Variants in SSH2 observed in about 807,000 individuals in gnomAD.
The protein encoded by SSH2 is protein phosphatase Slingshot homolog 2.
SSH2 carries 37 observed loss-of-function variants against 135.2 expected under a neutral mutation model. The ratio of observed to expected loss-of-function variants is 0.27; its 90% CI spans 0.21 to 0.36. The LOEUF is 0.36. SSH2 is among the 10% of genes least tolerant of loss of function. The pLI, the probability that SSH2 is intolerant of heterozygous loss-of-function variation, is 1.00. For missense variants in SSH2, 1,408 were observed against 1,765.3 expected (o/e 0.80, Z 3.63); for synonymous variants, 628 against 646.2 (o/e 0.97, Z 0.43).
At chr17:29,723,839 T>C (rs2039899521) in intron 3 of SSH2, among the ~76,000 whole-genome samples, 2 of 152,172 alleles carry the variant, frequency 1.3e-5, no homozygotes, top group Admixed American at 1.3e-4. Flanking sequence ...GGGAACTTCT[T>C]CCACTTGAAA....
At chr17:29,744,946 TTTCTG>T (rs1765480761) in intron 3 of SSH2, among the ~76,000 whole-genome samples, 1 of 152,034 alleles carries the variant, frequency 6.6e-6, no homozygotes, top group East Asian at 1.9e-4. Flanking sequence ...AGTTTAATGA[TTTCTG>T]TTCTTGTGTT....
chr17:29,673,569 C>CAAAAAAAAA (rs1230226229), intron 8 of SSH2, among the ~76,000 whole-genome samples: 1 of 104,888 alleles, frequency 9.5e-6, no homozygotes. Flanking sequence ...GACACAATCT[C>CAAAAAAAAA]AAAAAAAAAA....
chr17:29,684,777 T>C lies in SSH2; in HGVS notation c.358-93A>G, dbSNP rs77508573. On this transcript the variant is annotated intron_variant, in intron 5 of 15. Transcript: ENST00000540801. Reference sequence around the variant, plus strand: ...TTTTCATCAGCATCTTAAAGCATACTCACGAAGGCAGCAGAGCCAGTAGTT... The same window carrying C: ...TTTTCATCAGCATCTTAAAGCATACCCACGAAGGCAGCAGAGCCAGTAGTT... The C allele has an allele frequency of 1.7e-3, 2,129 of 1,227,788 alleles. 31 individuals carry two copies. The African/African-American group carries it at 0.027, about 15-fold the overall frequency. 76.1% of individuals were successfully genotyped at this position (1,227,788 alleles called of 1,614,324 possible).
intron 2 of SSH2, among the ~76,000 whole-genome samples, chr17:29,795,917 T>A (rs1166584988): frequency 1.3e-5 from 2 of 152,054 alleles, no homozygotes; most frequent in African/African-American, 4.8e-5. Context: ...AATTTTTGTA[T>A]TTTTTAGTAG....
intron 1 of SSH2, among the ~76,000 whole-genome samples, chr17:29,921,669 C>T (rs1004770051): frequency 2.0e-5 from 3 of 151,838 alleles, no homozygotes; most frequent in Admixed American, 6.6e-5. Flanking sequence ...CTCTGCCTCC[C>T]GGGTTCAAGC....
At chr17:29,788,819 A>C (rs187668289) in intron 3 of SSH2, among the ~76,000 whole-genome samples, 2 of 152,332 alleles carry the variant, frequency 1.3e-5, no homozygotes, top group East Asian at 3.9e-4. Context: ...AGAAAAAGCC[A>C]AGATTGCCAT....
chr17:29,913,349 TA>T lies in SSH2; in HGVS notation c.63+16588del, dbSNP rs1457483418. 1.0e-3 allele frequency among the ~76,000 whole-genome samples: 17 copies of T among 16,610 alleles called. 1 individual carries two copies. The highest frequency in any genetic ancestry group is 1.6e-3 in the Non-Finnish European group (15 of 9,508). 10.9% of individuals were successfully genotyped at this position (16,610 alleles called of 152,430 possible). ...AAAAAAAAAAAAAAAAAAAAAAAAATATATATATATATATATATATATATAT... is the reference window on the plus strand; with the variant it reads ...AAAAAAAAAAAAAAAAAAAAAAAAATTATATATATATATATATATATATAT... On this transcript the variant is annotated intron_variant, in intron 1 of 15. Transcript: ENST00000540801.
intron 2 of SSH2, among the ~76,000 whole-genome samples, chr17:29,796,199 C>G (rs891652304): frequency 1.3e-5 from 2 of 152,188 alleles, no homozygotes; most frequent in African/African-American, 4.8e-5. Context: ...ATTTCCCATT[C>G]CTCTTTCTAT....
intron 3 of SSH2, among the ~76,000 whole-genome samples, chr17:29,777,968 A>G (rs570450325): frequency 6.6e-6 from 1 of 152,064 alleles, no homozygotes; most frequent in East Asian, 1.9e-4. Flanking sequence ...CCCTCCCATG[A>G]AAGGAATTCT....
Position 29,913,347 on chromosome 17 carries a change from A to AAAAATTATATATATAT in SSH2, c.63+16590_63+16591insATATATATATAATTTT. On this transcript the variant is annotated intron_variant, in intron 1 of 15. Coordinates refer to ENST00000540801, the MANE Select transcript of SSH2 (RefSeq NM_001282129.2). ...AAAAAAAAAAAAAAAAAAAAAAAAA[A>AAAAATTATATATATAT]ATATATATATATATATATATATATA... Among the ~76,000 whole-genome samples, 9 of 28,784 alleles carry AAAAATTATATATATAT rather than the reference A, an allele frequency of 3.1e-4. 2 individuals carry two copies. The East Asian group carries it at 0.011, about 36-fold the overall frequency. 18.9% of individuals were successfully genotyped at this position (28,784 alleles called of 152,430 possible).
chr17:29,690,458 G>T (rs1052739937), intron 5 of SSH2, among the ~76,000 whole-genome samples: 3 of 150,324 alleles, frequency 2.0e-5, no homozygotes, highest in Admixed American at 2.0e-4. Flanking sequence ...TTACATGCAT[G>T]CCCCTGTGTG....
intron 3 of SSH2, among the ~76,000 whole-genome samples, chr17:29,712,992 C>G (rs1444797018): frequency 6.6e-6 from 1 of 152,152 alleles, no homozygotes; most frequent in Non-Finnish European, 1.5e-5. Flanking sequence ...GATGTTATTA[C>G]AACAGGACAT....
intron 3 of SSH2, among the ~76,000 whole-genome samples, chr17:29,743,392 T>C (rs2040637588): frequency 6.7e-6 from 1 of 149,618 alleles, no homozygotes; most frequent in Non-Finnish European, 1.5e-5. Flanking sequence ...TTGATTCTAA[T>C]TGAGGAAGAG....
intron 14 of SSH2, among the ~76,000 whole-genome samples, chr17:29,646,485 A>C (rs550626941): frequency 2.6e-5 from 4 of 152,126 alleles, no homozygotes; most frequent in Non-Finnish European, 5.9e-5. Flanking sequence ...GCATTTTTGA[A>C]AAGCATATAT....
chr17:29,786,358 C>T (rs1411015960), intron 3 of SSH2, among the ~76,000 whole-genome samples: 1 of 152,162 alleles, frequency 6.6e-6, no homozygotes, highest in Non-Finnish European at 1.5e-5. Context: ...CCTCCTCTTC[C>T]TTTGTGAAAC....
chr17:29,636,478 C>T lies in SSH2; in HGVS notation c.1752G>A (p.Gly584=), dbSNP rs1004237375. 8.1e-6 allele frequency: 13 copies of T among 1,614,064 alleles called. No individual in the cohort carries two copies. In the African/African-American group the frequency reaches 1.7e-4, roughly 22 times the overall value. The change falls in exon 15 of 16, where the codon GGG becomes GGA. Residue 584 remains glycine (G), a synonymous_variant. Coordinates refer to ENST00000540801, the MANE Select transcript of SSH2 (RefSeq NM_001282129.2). ...GAAATTTTGATTCATTCAGACAACA[C>T]CCTGATGAGCATCCATTGATGTCAT... The part of the protein sequence containing the change: ...NLNDINGCSS[G]CCLNESKFPL...
intron 1 of SSH2, among the ~76,000 whole-genome samples, chr17:29,868,458 C>A (rs1055304216): frequency 6.6e-6 from 1 of 152,172 alleles, no homozygotes; most frequent in African/African-American, 2.4e-5. Flanking sequence ...CAGTTCCCGG[C>A]TGGGTGCGGT....
At chr17:29,836,944 T>C (rs1026751179) in intron 2 of SSH2, among the ~76,000 whole-genome samples, 1 of 152,194 alleles carries the variant, frequency 6.6e-6, no homozygotes, top group African/African-American at 2.4e-5. Flanking sequence ...ACCAGGACTT[T>C]ACATTCAGCA....
chr17:29,918,222 G>A (rs929762896), intron 1 of SSH2, among the ~76,000 whole-genome samples: 1 of 152,090 alleles, frequency 6.6e-6, no homozygotes, highest in African/African-American at 2.4e-5. Context: ...TACTTTGATT[G>A]ACACTGAGAA....
Sources: gnomAD v4.1 joint callset for allele counts (sites outside exome capture counted in the v4.1 genomes callset) on GRCh38, gnomAD v4.1.1 for gene constraint, MANE v1.5 for transcripts, NCBI Gene and HGNC (gene_info 2026-07-23, HGNC 2026-07-21) for gene names.